GATA4: variants seen among roughly 807,000 people sequenced by gnomAD.
GATA4 encodes transcription factor GATA-4.
GATA4 carries 7 observed loss-of-function variants against 37.9 expected under a neutral mutation model. The observed-to-expected ratio is 0.18, with a 90% confidence interval of 0.11 to 0.35. GATA4 has a LOEUF of 0.35. Ranked by LOEUF, GATA4 falls within the 10% of genes least tolerant of loss-of-function variation. The probability of loss-of-function intolerance (pLI) is 1.00; values close to 1 mark genes in which losing one functional copy is unlikely to be tolerated. For missense variants in GATA4, 647 were observed against 653.0 expected (o/e 0.99, Z 0.10); for synonymous variants, 372 against 292.6 (o/e 1.27, Z -2.77).
rs2130069057 is a variant in GATA4, at chr8:11,708,586, G to A, written c.274G>A (p.Ala92Thr). 1.5e-6 allele frequency: 2 copies of A among 1,360,980 alleles called. No individual in the cohort carries two copies. Among genetic ancestry groups the A allele is most frequent in the Non-Finnish European group, 1.9e-6 (2 of 1,060,632 alleles). 84.3% of individuals were successfully genotyped at this position (1,360,980 alleles called of 1,614,324 possible). A position where few individuals can be genotyped will look rare whatever the true frequency, so the allele number is the denominator to read the frequency against. ...GCAGGGCAGCCCGGGATGGAGCCAG[G>A]CGGGAGCCGACGGAGCCGCTTACAC... ...TQQGSPGWSQ[A>T]GADGAAYTPP... Residue 92 changes from alanine to threonine, a missense_variant, in exon 2 of 7, where the codon GCG becomes ACG. Physicochemically the swap from Ala to Thr is moderately conservative, Grantham distance 58 (BLOSUM62 0). Transcript: ENST00000532059. The surrounding 1 kb of genome is among the most constrained non-coding windows in gnomAD (Gnocchi z 6.7).
intron 1 of GATA4, chr8:11,698,051 G>A (rs1192394063): frequency 1.0e-6 from 1 of 979,696 alleles, no homozygotes; most frequent in African/African-American, 1.7e-5. Flanking sequence ...TCCCGGTCGG[G>A]TTCTCTCTCC....
intron 1 of GATA4, chr8:11,697,480 G>A (rs1384428511): frequency 3.4e-6 from 3 of 874,040 alleles, no homozygotes; most frequent in Non-Finnish European, 4.1e-6. Context: ...GGTGTTCGGA[G>A]GGGAGCAGCG....
chr8:11,733,104 C>T (rs1801288278), intron 2 of GATA4, among the ~76,000 whole-genome samples: 1 of 152,070 alleles, frequency 6.6e-6, no homozygotes, highest in South Asian at 2.1e-4. Flanking sequence ...TGTAAATTCC[C>T]TGTGGAGGGA....
upstream of GATA4, among the ~76,000 whole-genome samples, chr8:11,703,461 C>T (rs895567257): frequency 2.0e-5 from 3 of 152,156 alleles, no homozygotes; most frequent in Non-Finnish European, 4.4e-5. Flanking sequence ...CGCCTGGCTC[C>T]CCAGCCCTTG....
intron 2 of GATA4, among the ~76,000 whole-genome samples, chr8:11,729,233 G>A (rs900349025): frequency 2.0e-5 from 3 of 150,790 alleles, no homozygotes; most frequent in African/African-American, 4.9e-5. Flanking sequence ...TCTAGCTGAG[G>A]GAGTTGGGAC....
At position 11,758,913 on chromosome 8, in the gene GATA4, G is replaced by A. The variant is rs539917769; in HGVS notation, c.*438G>A. 3 of 307,746 alleles carry A rather than the reference G, an allele frequency of 9.7e-6. No individual in the cohort carries two copies. The highest frequency in any genetic ancestry group is 4.3e-5 in the African/African-American group (2 of 46,316). 19.1% of individuals were successfully genotyped at this position (307,746 alleles called of 1,614,324 possible). ...ATGTACCTGGATGCGACGGGCCCCT[G>A]GGGACAGGCCCTTGCCCCATCCATC... On this transcript the variant is annotated 3_prime_UTR_variant, in exon 7 of 7. Transcript: ENST00000532059.
At chr8:11,681,517 G>C (rs1411370187) in intron 1 of GATA4, 1 of 944,992 alleles carries the variant, frequency 1.1e-6, no homozygotes, top group South Asian at 4.9e-5. Flanking sequence ...GGATGGGGTC[G>C]GTCCCTCTCG....
At position 11,708,327 on chromosome 8, in the gene GATA4, G is replaced by A. The variant is rs55635838; in HGVS notation, c.15G>A (p.Leu5=). 24 of 1,584,632 alleles carry A rather than the reference G, an allele frequency of 1.5e-5. No individual in the cohort carries two copies. The African/African-American group carries it at 3.1e-4, about 20-fold the overall frequency. MYQS[L]AMAANHGPPP... is the part of the protein sequence containing the mutation. Reference sequence around the variant, plus strand: ...TCGCAGGGACCATGTATCAGAGCTTGGCCATGGCCGCCAACCACGGGCCGC... The same window carrying A: ...TCGCAGGGACCATGTATCAGAGCTTAGCCATGGCCGCCAACCACGGGCCGC... The change falls in exon 2 of 7, where the codon TTG becomes TTA. Residue 5 remains leucine, a synonymous_variant. Transcript: ENST00000532059. This position sits in a 1 kb window ranked among gnomAD's most constrained non-coding sequence, Gnocchi z 6.7.
At chr8:11,727,816 G>A (rs1801008793) in intron 2 of GATA4, among the ~76,000 whole-genome samples, 1 of 151,262 alleles carries the variant, frequency 6.6e-6, no homozygotes, top group Non-Finnish European at 1.5e-5. Context: ...GACAGAGTGA[G>A]ACTCTGTCTC....
At position 11,755,125 on chromosome 8, in the gene GATA4, C is replaced by G. The variant is rs1563231799; in HGVS notation, c.992C>G (p.Thr331Arg). ...RKPKNLNKSK[T>R]PAAPSGSESL... The stretch of plus-strand genomic sequence containing the variant: ...CCCAAGAACCTGAATAAATCTAAGA[C>G]ACCAGCAGGTGAGGAAAAGATCTGT... Residue 331 changes from threonine to arginine, a missense_variant, in exon 5 of 7, where the codon ACA becomes AGA. Transcript: ENST00000532059. The G allele has an allele frequency of 1.9e-6, 3 of 1,612,792 alleles. No homozygotes were observed. The East Asian group carries it at 6.7e-5, about 36-fold the overall frequency.
At chr8:11,753,314 G>A (rs984630204) in intron 4 of GATA4, among the ~76,000 whole-genome samples, 10 of 152,182 alleles carry the variant, frequency 6.6e-5, no homozygotes, top group African/African-American at 2.4e-4. Flanking sequence ...GCTAGGGAAA[G>A]GGGGAATGAG....
Position 11,746,045 on chromosome 8 carries a change from C to T in GATA4, c.617-2871C>T, listed in dbSNP as rs570398972. ...CTGTAATCCCAGCATTTTGGGAGGC[C>T]GAGGCAGGAGGATCACTTGAACCCA... On this transcript the variant is annotated intron_variant, in intron 2 of 6. Transcript: ENST00000532059. Among the ~76,000 whole-genome samples, 10 of 152,004 alleles carry T rather than the reference C, an allele frequency of 6.6e-5. No individual in the cohort carries two copies. The South Asian group carries it at 1.9e-3, about 28-fold the overall frequency.
chr8:11,731,745 AT>A (rs1801222637), intron 2 of GATA4, among the ~76,000 whole-genome samples: 1 of 152,270 alleles, frequency 6.6e-6, no homozygotes, highest in South Asian at 2.1e-4. Context: ...TATGTATTTT[AT>A]CACAATTTAA....
At chr8:11,691,430 A>T (rs1227882840), upstream of GATA4, among the ~76,000 whole-genome samples, 1 of 152,184 alleles carries the variant, frequency 6.6e-6, no homozygotes, top group East Asian at 1.9e-4. Flanking sequence ...TCCTCCTGGT[A>T]ACTGGGACTA....
rs193213893 is a variant in GATA4 at position 11,684,862 on chromosome 8, T to A, written c.-274+7799T>A. On this transcript the variant is annotated intron_variant, in intron 1 of 6. Transcript: ENST00000528712. ...AATTTATCTGACACACTGATAAATA[T>A]GTTTTTTATTTAGCTTAGCCAAAAT... 2.6e-3 allele frequency among the ~76,000 whole-genome samples: 401 copies of A among 152,346 alleles called. 3 individuals are homozygous for A. Among genetic ancestry groups the A allele is most frequent in the African/African-American group, 9.3e-3 (386 of 41,576 alleles).
At chr8:11,692,128 C>A, upstream of GATA4, 2 of 787,546 alleles carry the variant, frequency 2.5e-6, no homozygotes, top group Non-Finnish European at 3.1e-6. Flanking sequence ...GCCACCTGTT[C>A]TCCAGCCTAA....
chr8:11,724,183 C>T (rs1036189561), intron 2 of GATA4, among the ~76,000 whole-genome samples: 1 of 151,822 alleles, frequency 6.6e-6, no homozygotes, highest in Admixed American at 6.6e-5. Context: ...TTGTATGGAT[C>T]GATACTGTAT....
intron 1 of GATA4, among the ~76,000 whole-genome samples, chr8:11,704,838 C>G (rs1563197275): frequency 6.6e-6 from 1 of 152,242 alleles, no homozygotes; most frequent in South Asian, 2.1e-4. Flanking sequence ...AGTGGCGGAA[C>G]TATTCATGCC....
chr8:11,693,562 CAGAGAGAGAGAGAGAG>C (rs139631153), intron 1 of GATA4, among the ~76,000 whole-genome samples: 1 of 72,146 alleles, frequency 1.4e-5, no homozygotes. Context: ...CACACACACA[CAGAGAGAGAGAGAGAG>C]AGAGAGAGAG....
Sources: allele counts gnomAD v4.1 joint callset (sites outside exome capture counted in the v4.1 genomes callset), GRCh38; gene constraint gnomAD v4.1.1; non-coding constraint Gnocchi (gnomAD v3.1); transcripts MANE v1.5; gene names NCBI Gene and HGNC (gene_info 2026-07-23, HGNC 2026-07-21).